The following SCUBE1 variants were observed in gnomAD, a reference collection of about 807,000 sequenced individuals.
SCUBE1 encodes signal peptide, CUB domain and EGF like domain containing 1.
A neutral mutation model predicts 124.4 loss-of-function variants in SCUBE1; 59 were observed. That is an observed-to-expected ratio of 0.47 (90% CI 0.38 to 0.59). The LOEUF (loss-of-function observed/expected upper bound fraction) is 0.59. Ranked by LOEUF, SCUBE1 falls within the 20% of genes least tolerant of loss-of-function variation. SCUBE1 has a pLI of 0.00. For missense variants in SCUBE1, 1,150 were observed against 1,371.2 expected, an observed-to-expected ratio of 0.84 and a Z score of 2.55; for synonymous variants, 545 against 550.9, an observed-to-expected ratio of 0.99 and a Z score of 0.15.
intron 7 of SCUBE1, chr22:43,232,110 T>G: frequency 3.7e-6 from 2 of 538,268 alleles, no homozygotes; most frequent in Non-Finnish European, 6.7e-6. Context: ...GCTTCACCAC[T>G]TCCCCTGAGA....
chr22:43,309,578 C>T (rs866024076), intron 3 of SCUBE1, among the ~76,000 whole-genome samples: 2 of 152,016 alleles, frequency 1.3e-5, no homozygotes, highest in South Asian at 4.2e-4. Flanking sequence ...ATGTAGAAAC[C>T]CTCACATTTT....
intron 6 of SCUBE1, 43 bp from the exon 7 acceptor site, chr22:43,238,997 A>C: frequency 6.7e-7 from 1 of 1,496,606 alleles, no homozygotes; most frequent in Non-Finnish European, 9.3e-7. Flanking sequence ...CCTTGGACAG[A>C]AGCCACTGGC....
chr22:43,271,622 C>T (rs561309145), intron 4 of SCUBE1, among the ~76,000 whole-genome samples: 36 of 152,290 alleles, frequency 2.4e-4, no homozygotes, highest in African/African-American at 5.5e-4. Flanking sequence ...TAGAAACACA[C>T]GGCTCTGCCT....
chr22:43,293,424 C>T (rs901975766), intron 3 of SCUBE1, among the ~76,000 whole-genome samples: 4 of 152,234 alleles, frequency 2.6e-5, no homozygotes, highest in Non-Finnish European at 1.5e-5. Context: ...CTGCAGAACA[C>T]GCGCCTTTGG....
chr22:43,279,287 C>T (rs1314025633), intron 4 of SCUBE1, among the ~76,000 whole-genome samples: 2 of 152,194 alleles, frequency 1.3e-5, no homozygotes, highest in Non-Finnish European at 2.9e-5. Flanking sequence ...GGGCTCAGGC[C>T]CCAGAGGCAG....
At chr22:43,287,469 C>A (rs1361050652) in intron 4 of SCUBE1, among the ~76,000 whole-genome samples, 1 of 152,222 alleles carries the variant, frequency 6.6e-6, no homozygotes, top group Non-Finnish European at 1.5e-5. Context: ...TCCTCCCAAG[C>A]CTAGCCAGGG....
In SCUBE1 at chr22:43,231,825, T is replaced by C; in HGVS notation, c.895A>G (p.Asn299Asp). ...NNGGCDHFCR[N>D]TVGSFECGCR... Reference sequence around the variant, plus strand: ...CCGCACTCGAAGCTGCCCACGGTGTTGCGGCAGAAGTGGTCGCAGCCTCCG... The same window carrying C: ...CCGCACTCGAAGCTGCCCACGGTGTCGCGGCAGAAGTGGTCGCAGCCTCCG... Residue 299 changes from asparagine to aspartate, a missense_variant, in exon 8 of 22, where the codon AAC (asparagine) becomes GAC (aspartate). Coordinates refer to ENST00000360835, the MANE Select transcript of SCUBE1 (RefSeq NM_173050.5). 6.2e-7 allele frequency: 1 copy of C among 1,613,458 alleles called. No homozygotes were observed. The highest frequency in any genetic ancestry group is 1.3e-5 in the African/African-American group (1 of 75,036).
intron 2 of SCUBE1, among the ~76,000 whole-genome samples, chr22:43,333,895 G>A (rs948583977): frequency 3.3e-5 from 5 of 152,234 alleles, no homozygotes; most frequent in East Asian, 1.9e-4. Context: ...GATCATGGAC[G>A]TGGAACATGT....
chr22:43,304,851 A>C (rs1925907642), intron 3 of SCUBE1, among the ~76,000 whole-genome samples: 1 of 151,924 alleles, frequency 6.6e-6, no homozygotes, highest in Admixed American at 6.6e-5. Context: ...CCCACCCCAC[A>C]CCATCCCTTT....
At chr22:43,266,389 G>T (rs984727150) in intron 4 of SCUBE1, among the ~76,000 whole-genome samples, 5 of 152,130 alleles carry the variant, frequency 3.3e-5, no homozygotes, top group South Asian at 2.1e-4. Flanking sequence ...GGCTGACTGT[G>T]GCTTCCGAAG....
Position 43,216,299 on chromosome 22 carries a change from G to A in SCUBE1, c.1891+1956C>T, listed in dbSNP as rs1015371693. 4.0e-5 allele frequency among the ~76,000 whole-genome samples: 6 copies of A among 149,304 alleles called. No homozygotes were observed. The East Asian group carries it at 6.2e-4, about 15-fold the overall frequency. ...TGACCTCAGGTGATCCACCTGTCTC[G>A]GCCTCCCAAAGTGCTGGGATTACAG... is the stretch of plus-strand genomic sequence containing the variant. On this transcript the variant is annotated intron_variant, in intron 15 of 21. Coordinates refer to ENST00000360835, the MANE Select transcript of SCUBE1 (RefSeq NM_173050.5).
chr22:43,279,292 A>G (rs979356011), intron 4 of SCUBE1, among the ~76,000 whole-genome samples: 1 of 152,204 alleles, frequency 6.6e-6, no homozygotes, highest in African/African-American at 2.4e-5. Context: ...CAGGCCCCAG[A>G]GGCAGGGTGG....
intron 2 of SCUBE1, among the ~76,000 whole-genome samples, chr22:43,330,242 C>T (rs190726102): frequency 4.4e-4 from 67 of 152,226 alleles, no homozygotes; most frequent in Admixed American, 1.1e-3. Flanking sequence ...CGCTGGCTCA[C>T]GGAGTTAGGA....
intron 4 of SCUBE1, among the ~76,000 whole-genome samples, chr22:43,277,790 G>A (rs1302416527): frequency 1.3e-5 from 2 of 152,220 alleles, no homozygotes; most frequent in East Asian, 1.9e-4. Flanking sequence ...TACATGAGGC[G>A]ATGTCTTGTA....
At chr22:43,266,124 T>A (rs1418593498) in intron 4 of SCUBE1, among the ~76,000 whole-genome samples, 3 of 152,136 alleles carry the variant, frequency 2.0e-5, no homozygotes, top group African/African-American at 7.2e-5. Context: ...ATATTACATG[T>A]TAGCACAAGT....
chr22:43,258,012 G>C lies in SCUBE1; in HGVS notation c.727+207C>G, dbSNP rs987214846. ...AAGCAGAAAAGCCTGGTCTTGGGGG[G>C]CTGCAGGCCCCAGAGAAGCCTCCCC... On this transcript the variant is annotated intron_variant, in intron 6 of 21. Transcript: ENST00000360835. The surrounding 1 kb of genome is among the most constrained non-coding windows in gnomAD (Gnocchi z 5.0). 1.3e-5 allele frequency among the ~76,000 whole-genome samples: 2 copies of C among 152,220 alleles called. No homozygotes were observed. Among genetic ancestry groups the C allele is most frequent in the Admixed American group, 1.3e-4 (2 of 15,290 alleles).
chr22:43,253,027 T>C (rs1427410713), intron 6 of SCUBE1, among the ~76,000 whole-genome samples: 4 of 146,606 alleles, frequency 2.7e-5, no homozygotes, highest in East Asian at 4.0e-4. Context: ...TACCTAAGTC[T>C]GTACCTTGCC....
intron 3 of SCUBE1, among the ~76,000 whole-genome samples, chr22:43,310,733 A>C (rs545493907): frequency 6.6e-6 from 1 of 152,364 alleles, no homozygotes; most frequent in Admixed American, 6.5e-5. Flanking sequence ...ATAATTGTAC[A>C]TATTTGTGGG....
chr22:43,222,874 C>G (rs367782105), intron 11 of SCUBE1, 132 bp from the exon 12 acceptor site: 1 of 952,994 alleles, frequency 1.0e-6, no homozygotes, highest in Non-Finnish European at 1.6e-6. Flanking sequence ...TTCTGCTACA[C>G]AACCACAGGG....
Sources: allele counts gnomAD v4.1 joint callset (sites outside exome capture counted in the v4.1 genomes callset), GRCh38; gene constraint gnomAD v4.1.1; non-coding constraint Gnocchi (gnomAD v3.1); transcripts MANE v1.5; gene names NCBI Gene and HGNC (gene_info 2026-07-23, HGNC 2026-07-21).